CFAP251: variants seen among roughly 807,000 people sequenced by gnomAD.
CFAP251 encodes the protein cilia and flagella associated protein 251, also known as cilia- and flagella-associated protein 251.
A neutral mutation model predicts 126.7 loss-of-function variants in CFAP251; 93 were observed. The ratio of observed to expected loss-of-function variants is 0.73; its 90% confidence interval spans 0.62 to 0.87. The LOEUF (loss-of-function observed/expected upper bound fraction) is 0.87, where lower values mean the gene tolerates loss of function less well. CFAP251 is among the 40% of genes least tolerant of loss of function. The pLI is 0.00. For missense variants in CFAP251, 1,287 were observed against 1,389.2 expected, an observed-to-expected ratio of 0.93 and a Z score of 1.17; for synonymous variants, 503 against 506.9, an observed-to-expected ratio of 0.99 and a Z score of 0.10.
At position 121,921,475 on chromosome 12, in the gene CFAP251, C is replaced by A; in HGVS notation, c.170C>A (p.Thr57Lys). The A allele has an allele frequency of 1.6e-6, 1 of 614,268 alleles. No homozygotes were observed. The highest frequency in any genetic ancestry group is 2.5e-6 in the Non-Finnish European group (1 of 402,454). The allele number at this position is 614,268 out of a possible 1,614,324, so 38.1% of individuals were successfully genotyped here. A position where few individuals can be genotyped will look rare whatever the true frequency, so the allele number is the denominator to read the frequency against. ...GAGTCTCAGGAGGAGGAGAGGAAAACGGGCGAGGAGGAAGGGGAGGAGGAG... is the reference window on the plus strand; with the variant it reads ...GAGTCTCAGGAGGAGGAGAGGAAAAAGGGCGAGGAGGAAGGGGAGGAGGAG... ...WRESQEEERKTGEEEGEEEGK... is the reference protein window; with the variant it reads ...WRESQEEERKKGEEEGEEEGK... Residue 57 changes from threonine (T) to lysine (K), a missense_variant, in exon 2 of 22, where the codon ACG (threonine) becomes AAG (lysine). By Grantham distance (78) the Thr-to-Lys change is moderately conservative. Transcript: ENST00000288912.
chr12:121,926,160 CG>C (rs762851965), intron 3 of CFAP251, among the ~76,000 whole-genome samples: 2 of 151,638 alleles, frequency 1.3e-5, no homozygotes, highest in Non-Finnish European at 2.9e-5. Context: ...CCACCATGCC[CG>C]GCCTTTTTTA....
At position 121,974,014 on chromosome 12, in the gene CFAP251, G is replaced by A. The variant is rs1169079; in HGVS notation, c.2772-1230G>A. Reference sequence around the variant, plus strand: ...AGGCGGAATGATATGGTTTGGCTGTGTCTCCACCCAAATCTCATCTTGAAT... The same window carrying A: ...AGGCGGAATGATATGGTTTGGCTGTATCTCCACCCAAATCTCATCTTGAAT... On this transcript the variant is annotated intron_variant, in intron 17 of 21. Transcript: ENST00000288912. The surrounding 1 kb of genome is among the most constrained non-coding windows in gnomAD (Gnocchi z 4.6). 0.67 allele frequency among the ~76,000 whole-genome samples: 101,392 copies of A among 151,966 alleles called. 36,545 individuals carry two copies. Among genetic ancestry groups the A allele is most frequent in the Non-Finnish European group, 0.82 (55,874 of 67,972 alleles).
In CFAP251 at chr12:122,003,713, T is replaced by G; in HGVS notation, c.3399T>G (p.Thr1133=). The stretch of plus-strand genomic sequence containing the variant: ...AAATCACTGCAGAAATATTCGCGAC[T>G]GAAATTCTTGGCTTAACCATTTCAG... ...PDEITAEIFA[T]EILGLTISED... is the part of the protein sequence containing the mutation. The change falls in exon 22 of 22, where the codon ACT becomes ACG. Residue 1133 remains threonine, a synonymous_variant. Coordinates refer to ENST00000288912, the MANE Select transcript of CFAP251 (RefSeq NM_144668.6). The G allele has an allele frequency of 1.2e-6, 2 of 1,610,150 alleles. No homozygotes were observed. The highest frequency in any genetic ancestry group is 1.7e-6 in the Non-Finnish European group (2 of 1,178,840).
chr12:121,978,002 AAAAC>A (rs1240640229), intron 19 of CFAP251, among the ~76,000 whole-genome samples: 20 of 151,826 alleles, frequency 1.3e-4, no homozygotes, highest in South Asian at 6.2e-4. Flanking sequence ...AAATAAAATA[AAAAC>A]AAACAAAAAA....
intron 19 of CFAP251, among the ~76,000 whole-genome samples, chr12:121,995,837 CT>C (rs1883010864): frequency 6.6e-6 from 1 of 152,200 alleles, no homozygotes; most frequent in African/African-American, 2.4e-5. Flanking sequence ...TAGGTGATTA[CT>C]TAGATACAGC....
In CFAP251 at chr12:121,989,983, G is replaced by T. The variant is rs997082662; in HGVS notation, c.3007-9733G>T. Reference sequence around the variant, plus strand: ...ACAGAGGCAGAAATAAGATGCTCTCGGGTGAGGGGACTCCAGCCCACCACC... The same window carrying T: ...ACAGAGGCAGAAATAAGATGCTCTCTGGTGAGGGGACTCCAGCCCACCACC... On this transcript the variant is annotated intron_variant, in intron 19 of 21. Coordinates refer to ENST00000288912, the MANE Select transcript of CFAP251 (RefSeq NM_144668.6). The surrounding 1 kb of genome is among the most constrained non-coding windows in gnomAD (Gnocchi z 4.2). Among the ~76,000 whole-genome samples, 1 of 152,152 alleles carries T rather than the reference G, an allele frequency of 6.6e-6. No homozygotes were observed. The highest frequency in any genetic ancestry group is 1.5e-5 in the Non-Finnish European group (1 of 68,036).
At chr12:121,981,199 G>A (rs1049550234) in intron 19 of CFAP251, among the ~76,000 whole-genome samples, 1 of 152,150 alleles carries the variant, frequency 6.6e-6, no homozygotes, top group African/African-American at 2.4e-5. Flanking sequence ...CAGTCACGGT[G>A]GCTCACACCT....
chr12:121,979,505 T>C (rs1882562367), intron 19 of CFAP251, among the ~76,000 whole-genome samples: 1 of 150,586 alleles, frequency 6.6e-6, no homozygotes, highest in African/African-American at 2.4e-5. Flanking sequence ...GCCGCCGACA[T>C]TTGAAGAGAG....
chr12:121,986,321 C>T (rs186093403), intron 19 of CFAP251, among the ~76,000 whole-genome samples: 5 of 143,186 alleles, frequency 3.5e-5, no homozygotes, highest in Admixed American at 7.0e-5. Flanking sequence ...TTTTGGAGAC[C>T]GAGTCTCCCT....
intron 19 of CFAP251, chr12:121,992,395 G>A (rs1370454411): frequency 3.0e-6 from 3 of 985,236 alleles, no homozygotes; most frequent in Non-Finnish European, 3.6e-6. Flanking sequence ...GAGAGTAAGA[G>A]GTGAATCACA....
intron 7 of CFAP251, chr12:121,948,325 A>C (rs1347528338): frequency 6.6e-6 from 1 of 152,220 alleles, no homozygotes; most frequent in Non-Finnish European, 1.5e-5. Flanking sequence ...TTTATCTAAA[A>C]GGATACAGAA....
intron 19 of CFAP251, among the ~76,000 whole-genome samples, chr12:121,987,274 AAC>A (rs1882772062): frequency 6.6e-6 from 1 of 150,988 alleles, no homozygotes; most frequent in Admixed American, 6.5e-5. Context: ...CTTCCTGGCC[AAC>A]AGAGAGTCCG....
chr12:121,983,089 T>C (rs572074781), intron 19 of CFAP251, among the ~76,000 whole-genome samples: 2 of 152,254 alleles, frequency 1.3e-5, no homozygotes, highest in African/African-American at 2.4e-5. Flanking sequence ...TAGCTGGGTG[T>C]GGTGGCGTGC....
chr12:121,919,153 T>TTA, intron 1 of CFAP251, among the ~76,000 whole-genome samples: 1 of 150,844 alleles, frequency 6.6e-6, no homozygotes, highest in East Asian at 1.9e-4. Flanking sequence ...ATTTTTTTTT[T>TTA]ACCAGAGATG....
intron 1 of CFAP251, among the ~76,000 whole-genome samples, chr12:121,919,253 CAA>C (rs1880057810): frequency 6.6e-6 from 1 of 151,664 alleles, no homozygotes; most frequent in Non-Finnish European, 1.5e-5. Flanking sequence ...ACTTTATTTT[CAA>C]AGTGTTGAGT....
In CFAP251 at chr12:121,949,009, A is replaced by C; in HGVS notation, c.1217A>C (p.Asn406Thr). ...VQNYVTFNPT[N>T]NKELVSNSKT... ...AACTACGTTACTTTTAACCCAACAA[A>C]TAATAAAGAATTGGTGAGCAATAGT... Residue 406 changes from asparagine (N) to threonine (T), a missense_variant, in exon 8 of 22, where the codon AAT (asparagine) becomes ACT (threonine). Coordinates refer to ENST00000288912, the MANE Select transcript of CFAP251 (RefSeq NM_144668.6). The C allele has an allele frequency of 6.3e-7, 1 of 1,585,204 alleles. No individual in the cohort carries two copies. The highest frequency in any genetic ancestry group is 8.6e-7 in the Non-Finnish European group (1 of 1,165,104).
intron 20 of CFAP251, among the ~76,000 whole-genome samples, 155 bp from the exon 21 acceptor site, chr12:122,001,342 C>T (rs577140698): frequency 6.6e-6 from 1 of 151,968 alleles, no homozygotes; most frequent in African/African-American, 2.4e-5. Context: ...AGGCATGAGC[C>T]ACCACGCCCA....
At chr12:121,962,833 C>A in intron 15 of CFAP251, among the ~76,000 whole-genome samples, 1 of 152,070 alleles carries the variant, frequency 6.6e-6, no homozygotes, top group Middle Eastern at 3.4e-3. Flanking sequence ...GGCTGCTGTG[C>A]GGTTGGAGGA....
intron 21 of CFAP251, among the ~76,000 whole-genome samples, chr12:122,002,480 C>T (rs867574170): frequency 1.3e-5 from 2 of 151,880 alleles, no homozygotes; most frequent in African/African-American, 2.4e-5. Flanking sequence ...TTCACGGCTG[C>T]GGTGAGTGAG....
Sources: gnomAD v4.1 joint callset for allele counts (sites outside exome capture counted in the v4.1 genomes callset) on GRCh38, gnomAD v4.1.1 for gene constraint, Gnocchi (gnomAD v3.1) non-coding constraint, MANE v1.5 for transcripts, NCBI Gene and HGNC (gene_info 2026-07-23, HGNC 2026-07-21) for gene names.